Variants in FRMD4A observed in about 807,000 individuals in gnomAD.
The protein encoded by FRMD4A is FERM domain containing 4A.
In FRMD4A, 29 loss-of-function variants were observed where a neutral mutation model predicts 129.1. That is an observed-to-expected ratio of 0.22 (90% CI 0.17 to 0.31). The LOEUF is 0.31. Among genes scored for constraint, FRMD4A ranks in the 10% least tolerant of loss-of-function variants. The probability of loss-of-function intolerance (pLI) is 1.00; values close to 1 mark genes in which losing one functional copy is unlikely to be tolerated. For missense variants in FRMD4A, 1,272 were observed against 1,375.8 expected, an observed-to-expected ratio of 0.92 and a Z score of 1.19; for synonymous variants, 634 against 571.6, an observed-to-expected ratio of 1.11 and a Z score of -1.56.
intron 2 of FRMD4A, among the ~76,000 whole-genome samples, chr10:14,051,193 G>C (rs2131686640): frequency 1.3e-5 from 2 of 152,300 alleles, no homozygotes; most frequent in Admixed American, 1.3e-4. Context: ...CTCTTTCTCT[G>C]TGCTTTAACT....
intron 12 of FRMD4A, among the ~76,000 whole-genome samples, chr10:13,735,788 C>A (rs1044310871): frequency 6.6e-6 from 1 of 152,122 alleles, no homozygotes; most frequent in Non-Finnish European, 1.5e-5. Context: ...GTATTGCAGC[C>A]AGAATTTTGT....
chr10:14,100,591 T>C (rs1588975021), intron 2 of FRMD4A, among the ~76,000 whole-genome samples: 1 of 152,186 alleles, frequency 6.6e-6, no homozygotes, highest in African/African-American at 2.4e-5. Flanking sequence ...TATTTTATTT[T>C]ATATACTTGC....
chr10:14,293,552 T>C (rs1845914070), intron 2 of FRMD4A, among the ~76,000 whole-genome samples: 1 of 151,888 alleles, frequency 6.6e-6, no homozygotes, highest in African/African-American at 2.4e-5. Context: ...AAAAATCACC[T>C]AACACTTAGC....
intron 12 of FRMD4A, among the ~76,000 whole-genome samples, chr10:13,729,740 T>C (rs2090193615): frequency 6.6e-6 from 1 of 152,178 alleles, no homozygotes; most frequent in Non-Finnish European, 1.5e-5. Flanking sequence ...GTGCTCCTAA[T>C]TGTGCATCTA....
At chr10:14,190,697 T>C (rs1842290096) in intron 2 of FRMD4A, among the ~76,000 whole-genome samples, 1 of 152,198 alleles carries the variant, frequency 6.6e-6, no homozygotes, top group Admixed American at 6.5e-5. Flanking sequence ...CACTGGATTT[T>C]TGAGAAAAGA....
At chr10:13,712,873 T>A (rs1428936065) in intron 12 of FRMD4A, among the ~76,000 whole-genome samples, 1 of 152,230 alleles carries the variant, frequency 6.6e-6, no homozygotes, top group Non-Finnish European at 1.5e-5. Flanking sequence ...GACCAGTTAC[T>A]GGTTTCTATT....
intron 3 of FRMD4A, among the ~76,000 whole-genome samples, chr10:13,828,760 G>T (rs1171990408): frequency 6.6e-6 from 1 of 152,094 alleles, no homozygotes; most frequent in Non-Finnish European, 1.5e-5. Context: ...TTGAACTTCT[G>T]ACCTCAGGTG....
chr10:13,836,290 A>G (rs2400033), intron 3 of FRMD4A, among the ~76,000 whole-genome samples: 123,396 of 152,160 alleles, frequency 0.81, 50,298 homozygotes, highest in East Asian at 0.96. Flanking sequence ...GAGCCAAAGC[A>G]CCGGGCCAGG....
At chr10:14,110,776 T>G (rs1438232638) in intron 2 of FRMD4A, among the ~76,000 whole-genome samples, 1 of 152,214 alleles carries the variant, frequency 6.6e-6, no homozygotes, top group Non-Finnish European at 1.5e-5. Flanking sequence ...CACAAGCAGT[T>G]ACTTTTTTCT....
intron 12 of FRMD4A, chr10:13,707,960 C>T (rs1044684617): frequency 4.6e-6 from 4 of 877,338 alleles, no homozygotes; most frequent in Admixed American, 1.2e-4. Flanking sequence ...GAACGGGGTT[C>T]CTTTCATTGG....
At chr10:13,802,097 G>A (rs1188438993) in intron 4 of FRMD4A, among the ~76,000 whole-genome samples, 5 of 150,030 alleles carry the variant, frequency 3.3e-5, no homozygotes, top group South Asian at 4.2e-4. Context: ...GCAAGATAAC[G>A]CTCATTTGGT....
At chr10:13,853,829 C>CAAAAA (rs745585369) in intron 3 of FRMD4A, among the ~76,000 whole-genome samples, 2 of 89,840 alleles carry the variant, frequency 2.2e-5, no homozygotes, top group Non-Finnish European at 2.1e-5. Flanking sequence ...AAGACTCTCT[C>CAAAAA]AAAAAAAAAA....
chr10:13,684,381 C>T, intron 15 of FRMD4A: 9 of 985,186 alleles, frequency 9.1e-6, no homozygotes, highest in Non-Finnish European at 1.1e-5. Flanking sequence ...CTTCCCGATG[C>T]TATGAACATT....
At chr10:14,100,947 C>A (rs1196840181) in intron 2 of FRMD4A, among the ~76,000 whole-genome samples, 3 of 152,142 alleles carry the variant, frequency 2.0e-5, no homozygotes, top group East Asian at 3.9e-4. Flanking sequence ...AGAGCCCAAG[C>A]TTTTGGGTCC....
intron 2 of FRMD4A, chr10:13,866,395 G>A (rs896905768): frequency 3.3e-5 from 11 of 331,926 alleles, no homozygotes; most frequent in Non-Finnish European, 4.7e-5. Flanking sequence ...GAAATTCCAA[G>A]GCCATGACTA....
At chr10:13,730,249 C>T (rs1199960156) in intron 12 of FRMD4A, among the ~76,000 whole-genome samples, 1 of 152,180 alleles carries the variant, frequency 6.6e-6, no homozygotes, top group African/African-American at 2.4e-5. Flanking sequence ...GGACGTGAGC[C>T]AGATTTTGTC....
intron 17 of FRMD4A, among the ~76,000 whole-genome samples, chr10:13,668,957 G>A (rs1040685842): frequency 1.3e-5 from 2 of 151,852 alleles, no homozygotes; most frequent in Admixed American, 6.6e-5. Context: ...ACTGAGTGAC[G>A]TGTTTTACAT....
At chr10:14,099,508 C>T (rs539333639) in intron 2 of FRMD4A, among the ~76,000 whole-genome samples, 1 of 152,302 alleles carries the variant, frequency 6.6e-6, no homozygotes, top group South Asian at 2.1e-4. Context: ...TCCAGGCATG[C>T]CCAACTCCTA....
At chr10:14,001,910 G>A (rs1165042735) in intron 2 of FRMD4A, among the ~76,000 whole-genome samples, 4 of 152,140 alleles carry the variant, frequency 2.6e-5, no homozygotes, top group Admixed American at 6.5e-5. Context: ...TTTTGGTAAC[G>A]TCTCACACTT....
Sources: gnomAD v4.1 joint callset for allele counts (sites outside exome capture counted in the v4.1 genomes callset) on GRCh38, gnomAD v4.1.1 for gene constraint, MANE v1.5 for transcripts, NCBI Gene and HGNC (gene_info 2026-07-23, HGNC 2026-07-21) for gene names.